The following DENND2A variants were observed in gnomAD, a reference collection of about 807,000 sequenced individuals.
The protein encoded by DENND2A is DENN domain-containing protein 2A.
Under a neutral mutation model 105.3 loss-of-function variants are expected in DENND2A, and 53 were observed. The observed-to-expected ratio is 0.50, with a 90% CI of 0.40 to 0.63. The LOEUF is 0.63. DENND2A is among the 30% of genes least tolerant of loss of function. The probability of loss-of-function intolerance (pLI) is 0.00; values close to 1 mark genes in which losing one functional copy is unlikely to be tolerated. For missense variants in DENND2A, 1,138 were observed against 1,279.6 expected (o/e 0.89, Z 1.69); for synonymous variants, 522 against 508.4 (o/e 1.03, Z -0.36).
chr7:140,578,377 C>T (rs546986560), intron 5 of DENND2A, among the ~76,000 whole-genome samples: 1 of 152,284 alleles, frequency 6.6e-6, no homozygotes, highest in South Asian at 2.1e-4. Context: ...ACTTTACTGC[C>T]TCAGGAGACT....
intron 8 of DENND2A, 31 bp from the exon 9 acceptor site, chr7:140,567,304 A>AAGAG (rs60964847): frequency 0.018 from 11,902 of 657,194 alleles, 66 homozygotes; most frequent in East Asian, 0.062. Context: ...GAAAGAGAGA[A>AAGAG]AGAGAGAGAG....
intron 1 of DENND2A, among the ~76,000 whole-genome samples, chr7:140,633,768 G>T (rs370646042): frequency 6.6e-6 from 1 of 151,948 alleles, no homozygotes. Context: ...GGGACAACAC[G>T]GAAGACAATC....
intron 18 of DENND2A, among the ~76,000 whole-genome samples, chr7:140,520,725 A>G (rs1389401179): frequency 6.8e-6 from 1 of 147,518 alleles, no homozygotes; most frequent in African/African-American, 2.5e-5. Context: ...TGCCCAGCTA[A>G]TTTTTGTATT....
intron 1 of DENND2A, among the ~76,000 whole-genome samples, chr7:140,612,968 G>A (rs1799953775): frequency 6.6e-6 from 1 of 151,810 alleles, no homozygotes. Flanking sequence ...TACAAAATTA[G>A]CCAGGCATGG....
chr7:140,624,849 G>GTTTTGTTTTTTTTTTT (rs1800450324), intron 1 of DENND2A, among the ~76,000 whole-genome samples: 1 of 131,238 alleles, frequency 7.6e-6, no homozygotes, highest in African/African-American at 3.2e-5. Flanking sequence ...GTTTTTCTTT[G>GTTTTGTTTTTTTTTTT]TTTTTTTTGT....
At chr7:140,616,335 C>G (rs762199149) in intron 1 of DENND2A, among the ~76,000 whole-genome samples, 1 of 152,056 alleles carries the variant, frequency 6.6e-6, no homozygotes, top group Non-Finnish European at 1.5e-5. Context: ...GTACTCCAGC[C>G]TGGGCGACAG....
intron 3 of DENND2A, among the ~76,000 whole-genome samples, chr7:140,598,386 C>T (rs1799361573): frequency 6.6e-6 from 1 of 152,176 alleles, no homozygotes; most frequent in African/African-American, 2.4e-5. Flanking sequence ...AGATGCGTTA[C>T]CATTAAAGTT....
chr7:140,533,718 C>G (rs918464282), intron 14 of DENND2A, among the ~76,000 whole-genome samples: 1 of 152,112 alleles, frequency 6.6e-6, no homozygotes. Context: ...AGGAGCTGCC[C>G]GTTTGTTGAC....
intron 1 of DENND2A, chr7:140,609,783 A>G (rs1443140514): frequency 6.6e-6 from 1 of 152,234 alleles, no homozygotes; most frequent in Non-Finnish European, 1.5e-5. Context: ...TCTTGGCTCA[A>G]GAATTTTCTT....
intron 14 of DENND2A, among the ~76,000 whole-genome samples, chr7:140,532,576 G>C (rs1001981382): frequency 1.3e-5 from 2 of 152,210 alleles, no homozygotes; most frequent in African/African-American, 4.8e-5. Flanking sequence ...TGGGGATTGA[G>C]TTCAGTTTCT....
intron 1 of DENND2A, among the ~76,000 whole-genome samples, chr7:140,631,862 G>A (rs935727769): frequency 2.0e-5 from 3 of 152,164 alleles, no homozygotes; most frequent in Non-Finnish European, 4.4e-5. Flanking sequence ...CACGAGGCAA[G>A]CTGCTTCGGG....
intron 5 of DENND2A, among the ~76,000 whole-genome samples, chr7:140,582,455 A>AT (rs1162038238): frequency 6.6e-6 from 1 of 152,228 alleles, no homozygotes; most frequent in Non-Finnish European, 1.5e-5. Context: ...CAATGAAAAC[A>AT]CCAACAACAC....
chr7:140,637,180 C>A (rs1224958833), intron 1 of DENND2A, among the ~76,000 whole-genome samples: 19 of 143,316 alleles, frequency 1.3e-4, no homozygotes, highest in Non-Finnish European at 2.4e-4. Context: ...GAGATGGGGT[C>A]TCGCCATGTT....
At chr7:140,607,744 C>T (rs892451048) in intron 1 of DENND2A, among the ~76,000 whole-genome samples, 11 of 152,172 alleles carry the variant, frequency 7.2e-5, no homozygotes, top group African/African-American at 2.7e-4. Context: ...CCCCAGTGGA[C>T]GTCAGGGAGA....
chr7:140,591,782 T>C (rs1335248289), intron 3 of DENND2A, among the ~76,000 whole-genome samples: 1 of 149,972 alleles, frequency 6.7e-6, no homozygotes, highest in Non-Finnish European at 1.5e-5. Context: ...TTCCTTCCTT[T>C]CTTTCTTTTC....
At chr7:140,612,558 A>G (rs1306106432) in intron 1 of DENND2A, among the ~76,000 whole-genome samples, 1 of 151,510 alleles carries the variant, frequency 6.6e-6, no homozygotes. Flanking sequence ...CTGGAGTGCA[A>G]TGGTGCAATC....
chr7:140,569,603 T>C (rs1405247977), intron 7 of DENND2A, 42 bp downstream of exon 7: 1 of 1,373,816 alleles, frequency 7.3e-7, no homozygotes, highest in Non-Finnish European at 1.0e-6. Flanking sequence ...AGAATCTCTT[T>C]TCCGATTCTT....
chr7:140,571,909 C>T (rs754192045), intron 6 of DENND2A, among the ~76,000 whole-genome samples: 6 of 152,138 alleles, frequency 3.9e-5, no homozygotes, highest in Non-Finnish European at 8.8e-5. Flanking sequence ...TCTCCTAGTG[C>T]TGCCAAGGTG....
intron 5 of DENND2A, among the ~76,000 whole-genome samples, chr7:140,582,493 C>T (rs1798586594): frequency 6.6e-6 from 1 of 152,220 alleles, no homozygotes; most frequent in African/African-American, 2.4e-5. Flanking sequence ...AGAGCATTTG[C>T]TAATTGTCAG....
Sources: gnomAD v4.1 joint callset for allele counts (sites outside exome capture counted in the v4.1 genomes callset) on GRCh38, gnomAD v4.1.1 for gene constraint, MANE v1.5 for transcripts, NCBI Gene and HGNC (gene_info 2026-07-23, HGNC 2026-07-21) for gene names.